The following PDE4D variants were observed in gnomAD, a reference collection of about 807,000 sequenced individuals.
PDE4D encodes the protein phosphodiesterase 4D, also known as 3',5'-cyclic-AMP phosphodiesterase 4D.
A neutral mutation model predicts 87.4 loss-of-function variants in PDE4D; 24 were observed. The ratio of observed to expected loss-of-function variants is 0.27; its 90% CI spans 0.20 to 0.39. PDE4D has a LOEUF of 0.39. Among genes scored for constraint, PDE4D ranks in the 10% least tolerant of loss-of-function variants. PDE4D has a pLI of 1.00. For synonymous variants in PDE4D, 384 were observed against 383.2 expected, an observed-to-expected ratio of 1.00 and a Z score of -0.02; for missense variants, 714 against 1,041.0, an observed-to-expected ratio of 0.69 and a Z score of 4.32.
intron 1 of PDE4D, among the ~76,000 whole-genome samples, chr5:59,222,785 T>C (rs1752838716): frequency 6.6e-6 from 1 of 152,206 alleles, no homozygotes; most frequent in South Asian, 2.1e-4. Context: ...CTAGGGCAAG[T>C]TGCTGTATTT....
chr5:59,471,720 G>A (rs1307564505), intron 1 of PDE4D, among the ~76,000 whole-genome samples: 1 of 152,202 alleles, frequency 6.6e-6, no homozygotes, highest in Non-Finnish European at 1.5e-5. Context: ...AAAAAGGCCT[G>A]AAGAATATAA....
At chr5:59,819,395 T>C (rs1348243331) in intron 1 of PDE4D, among the ~76,000 whole-genome samples, 3 of 152,254 alleles carry the variant, frequency 2.0e-5, no homozygotes, top group Admixed American at 6.5e-5. Context: ...CTACTTTCCA[T>C]AGACTTTCAC....
At chr5:59,040,783 T>A (rs1759551593) in intron 5 of PDE4D, among the ~76,000 whole-genome samples, 1 of 152,198 alleles carries the variant, frequency 6.6e-6, no homozygotes, top group Admixed American at 6.5e-5. Flanking sequence ...CTTGTCTTTG[T>A]CTTTGAATCT....
intron 2 of PDE4D, among the ~76,000 whole-genome samples, chr5:60,170,986 G>A (rs1783375136): frequency 1.3e-5 from 2 of 151,914 alleles, no homozygotes; most frequent in African/African-American, 4.8e-5. Context: ...ATATGTATCT[G>A]GCAGCACAGG....
At chr5:60,197,062 T>C (rs79394002) in intron 1 of PDE4D, among the ~76,000 whole-genome samples, 49 of 100,268 alleles carry the variant, frequency 4.9e-4, no homozygotes, top group African/African-American at 1.1e-3. Flanking sequence ...GATAGATAGA[T>C]AGATAGATAG....
At chr5:59,892,568 G>C (rs988866402) in intron 1 of PDE4D, among the ~76,000 whole-genome samples, 1 of 151,402 alleles carries the variant, frequency 6.6e-6, no homozygotes, top group Non-Finnish European at 1.5e-5. Context: ...TCACCCACGT[G>C]TTCTCCCCTT....
At chr5:59,347,063 G>A (rs1779730250) in intron 1 of PDE4D, among the ~76,000 whole-genome samples, 2 of 152,192 alleles carry the variant, frequency 1.3e-5, no homozygotes, top group African/African-American at 2.4e-5. Context: ...ATGTACTAAC[G>A]TCATCAAATT....
intron 1 of PDE4D, among the ~76,000 whole-genome samples, chr5:60,364,132 T>C (rs1760321611): frequency 6.6e-6 from 1 of 152,220 alleles, no homozygotes; most frequent in South Asian, 2.1e-4. Context: ...TACCAGGAAT[T>C]CACCCAGGCC....
chr5:58,993,559 G>T, intron 6 of PDE4D, 94 bp from the exon 7 acceptor site: 2 of 735,740 alleles, frequency 2.7e-6, no homozygotes, highest in African/African-American at 1.9e-5. Flanking sequence ...TATGCCCAAA[G>T]AATTTTTAAG....
chr5:59,334,505 G>A (rs112420835), intron 1 of PDE4D, among the ~76,000 whole-genome samples: 2,767 of 152,000 alleles, frequency 0.018, 84 homozygotes, highest in African/African-American at 0.061. Context: ...TGATCTGCCC[G>A]CCTCAGCCTC....
chr5:59,639,966 C>T (rs569579626), intron 1 of PDE4D, among the ~76,000 whole-genome samples: 2 of 150,602 alleles, frequency 1.3e-5, no homozygotes, highest in Admixed American at 1.3e-4. Context: ...AATGCCCCAA[C>T]CTTAAAGAAG....
chr5:59,688,931 A>G (rs1336654150), intron 1 of PDE4D, among the ~76,000 whole-genome samples: 2 of 152,236 alleles, frequency 1.3e-5, no homozygotes, highest in Non-Finnish European at 2.9e-5. Context: ...ATCAGAGAAT[A>G]CTATAAACAC....
chr5:60,243,964 C>T (rs1258038177), intron 1 of PDE4D, among the ~76,000 whole-genome samples: 1 of 151,552 alleles, frequency 6.6e-6, no homozygotes, highest in Non-Finnish European at 1.5e-5. Flanking sequence ...ATCAGTAAGA[C>T]AAGAGAAAAA....
At chr5:60,326,927 C>T (rs1756849799) in intron 1 of PDE4D, among the ~76,000 whole-genome samples, 1 of 152,070 alleles carries the variant, frequency 6.6e-6, no homozygotes, top group Admixed American at 6.6e-5. Flanking sequence ...AAAAAGTTCC[C>T]AGGCTTTCTC....
At chr5:59,531,524 G>A (rs773187738) in intron 1 of PDE4D, among the ~76,000 whole-genome samples, 2 of 152,092 alleles carry the variant, frequency 1.3e-5, no homozygotes, top group Non-Finnish European at 2.9e-5. Flanking sequence ...TAGTTCTGTA[G>A]GTCAGAAGTC....
chr5:60,455,689 T>C lies in PDE4D; in HGVS notation c.-90+32253A>G, dbSNP rs548225569. On this transcript the variant is annotated intron_variant, in intron 1 of 16. Coordinates refer to the PDE4D transcript ENST00000502484. Reference sequence around the variant, plus strand: ...ATGTTCATGAAATAATAATAGCAATTACCACCACCACCATTAGCAACTCCC... The same window carrying C: ...ATGTTCATGAAATAATAATAGCAATCACCACCACCACCATTAGCAACTCCC... 3.8e-3 allele frequency among the ~76,000 whole-genome samples: 577 copies of C among 152,200 alleles called. 3 individuals carry two copies. Among genetic ancestry groups the C allele is most frequent in the African/African-American group, 0.014 (567 of 41,526 alleles).
At chr5:59,077,163 C>A (rs1178317588) in intron 5 of PDE4D, among the ~76,000 whole-genome samples, 3 of 152,006 alleles carry the variant, frequency 2.0e-5, no homozygotes, top group African/African-American at 7.2e-5. Flanking sequence ...TTTTAGAGTG[C>A]TCTTCTGAAT....
intron 2 of PDE4D, among the ~76,000 whole-genome samples, chr5:60,015,247 C>T (rs1213476450): frequency 6.6e-6 from 1 of 152,164 alleles, no homozygotes; most frequent in Non-Finnish European, 1.5e-5. Context: ...ATGAGACTTT[C>T]TGAAAAGGGA....
At chr5:59,724,205 A>G (rs1040714688) in intron 1 of PDE4D, among the ~76,000 whole-genome samples, 4 of 152,110 alleles carry the variant, frequency 2.6e-5, no homozygotes, top group African/African-American at 9.7e-5. Context: ...TAACCTAGGT[A>G]TGAAGGTTTC....
Sources: gnomAD v4.1 joint callset for allele counts (sites outside exome capture counted in the v4.1 genomes callset) on GRCh38, gnomAD v4.1.1 for gene constraint, MANE v1.5 for transcripts, NCBI Gene and HGNC (gene_info 2026-07-23, HGNC 2026-07-21) for gene names.